LRP1B: variants seen among roughly 807,000 people sequenced by gnomAD.
LRP1B encodes the protein LDL receptor related protein 1B.
LRP1B carries 217 observed loss-of-function variants against 556.6 expected under a neutral mutation model. The observed-to-expected ratio is 0.39, with a 90% CI of 0.35 to 0.44. LRP1B has a LOEUF of 0.44. Among genes scored for constraint, LRP1B ranks in the 20% least tolerant of loss-of-function variants. The pLI is 1.00. For missense variants in LRP1B, 5,053 were observed against 5,620.8 expected, an observed-to-expected ratio of 0.90 and a Z score of 3.23; for synonymous variants, 2,047 against 1,865.8, an observed-to-expected ratio of 1.10 and a Z score of -2.50.
intron 1 of LRP1B, among the ~76,000 whole-genome samples, chr2:141,982,951 G>A (rs894328183): frequency 6.6e-6 from 1 of 152,144 alleles, no homozygotes; most frequent in African/African-American, 2.4e-5. Context: ...TGTTCAGAGA[G>A]CTGATGTTAT....
intron 66 of LRP1B, among the ~76,000 whole-genome samples, chr2:140,438,120 G>A (rs149511862): frequency 9.3e-4 from 142 of 152,160 alleles, no homozygotes; most frequent in Middle Eastern, 6.8e-3. Context: ...GGGTTTAACC[G>A]ACCCTCCAGC....
chr2:140,826,355 A>G (rs540557540), intron 31 of LRP1B, among the ~76,000 whole-genome samples: 18 of 152,234 alleles, frequency 1.2e-4, no homozygotes, highest in African/African-American at 4.3e-4. Flanking sequence ...GTTTCATCCC[A>G]CATCCCAAAA....
intron 3 of LRP1B, among the ~76,000 whole-genome samples, chr2:141,271,346 A>C (rs1023410672): frequency 2.6e-5 from 4 of 151,656 alleles, no homozygotes; most frequent in Non-Finnish European, 4.4e-5. Flanking sequence ...TAAAAAAAAA[A>C]CACAAAAACT....
intron 2 of LRP1B, among the ~76,000 whole-genome samples, chr2:141,596,357 CT>C (rs1428616284): frequency 6.6e-6 from 1 of 151,948 alleles, no homozygotes; most frequent in Non-Finnish European, 1.5e-5. Context: ...TGGGAAAATA[CT>C]GCTTTTTCTA....
At chr2:141,200,284 A>G (rs1208218655) in intron 6 of LRP1B, among the ~76,000 whole-genome samples, 1 of 152,192 alleles carries the variant, frequency 6.6e-6, no homozygotes, top group Non-Finnish European at 1.5e-5. Context: ...TATCCTTTGC[A>G]GTAACATGAA....
chr2:140,789,866 G>A (rs1430100698), intron 32 of LRP1B, among the ~76,000 whole-genome samples: 4 of 151,560 alleles, frequency 2.6e-5, no homozygotes, highest in Middle Eastern at 3.2e-3. Flanking sequence ...TCCTGACCTC[G>A]CGATCCGCCC....
chr2:140,390,686 A>G (rs972920697), intron 66 of LRP1B, among the ~76,000 whole-genome samples: 1 of 152,048 alleles, frequency 6.6e-6, no homozygotes, highest in East Asian at 1.9e-4. Context: ...TCACATACAT[A>G]TCTTAGAAAG....
At chr2:140,972,904 T>C (rs1323558277) in intron 18 of LRP1B, among the ~76,000 whole-genome samples, 1 of 149,014 alleles carries the variant, frequency 6.7e-6, no homozygotes, top group Non-Finnish European at 1.5e-5. Context: ...AATAAAAATA[T>C]AGTATGCAAG....
At chr2:140,957,313 C>A (rs1347421378) in intron 18 of LRP1B, among the ~76,000 whole-genome samples, 2 of 151,180 alleles carry the variant, frequency 1.3e-5, no homozygotes, top group African/African-American at 4.9e-5. Flanking sequence ...CATGACGGCC[C>A]GGAAGTGAGG....
At chr2:141,379,056 A>G (rs1422007611) in intron 3 of LRP1B, among the ~76,000 whole-genome samples, 1 of 152,180 alleles carries the variant, frequency 6.6e-6, no homozygotes, top group Admixed American at 6.5e-5. Context: ...GATCCATCCA[A>G]CCTACATTAT....
intron 2 of LRP1B, among the ~76,000 whole-genome samples, chr2:141,704,573 G>C (rs938757346): frequency 6.6e-6 from 1 of 151,808 alleles, no homozygotes; most frequent in Admixed American, 6.6e-5. Flanking sequence ...GCAGCCCCAC[G>C]TCTTCTTCCC....
chr2:140,631,188 A>T (rs1037170491), intron 41 of LRP1B, among the ~76,000 whole-genome samples: 1 of 152,196 alleles, frequency 6.6e-6, no homozygotes, highest in Admixed American at 6.5e-5. Flanking sequence ...AGGTTAACAT[A>T]AAACCACACA....
At chr2:141,267,010 G>A (rs1558970353) in intron 3 of LRP1B, among the ~76,000 whole-genome samples, 1 of 152,304 alleles carries the variant, frequency 6.6e-6, no homozygotes, top group East Asian at 1.9e-4. Flanking sequence ...TCTCTTTTCA[G>A]ACTAATTATA....
In LRP1B at chr2:140,840,893, C is replaced by CT. The variant is rs762222441; in HGVS notation, c.5114+24dup. On this transcript the variant is annotated intron_variant, in intron 30 of 90. Coordinates refer to ENST00000389484, the MANE Select transcript of LRP1B (RefSeq NM_018557.3). ...AAAAGTCTATGAAATTTTGGAAAAA[C>CT]TTTAAAAAAAAAATCATACTTTACC... 1.9e-3 allele frequency: 2,645 copies of CT among 1,405,668 alleles called. 11 individuals carry two copies. Among genetic ancestry groups the CT allele is most frequent in the South Asian group, 5.1e-3 (384 of 75,260 alleles). The allele number at this position is 1,405,668 out of a possible 1,614,324, so 87.1% of individuals were successfully genotyped here.
chr2:140,440,181 A>C (rs1419072444), intron 66 of LRP1B, among the ~76,000 whole-genome samples: 1 of 152,200 alleles, frequency 6.6e-6, no homozygotes. Flanking sequence ...GAACTCCAAG[A>C]GCATAAGAGA....
chr2:141,975,012 A>G (rs1196992836), intron 1 of LRP1B, among the ~76,000 whole-genome samples: 1 of 152,042 alleles, frequency 6.6e-6, no homozygotes, highest in African/African-American at 2.4e-5. Flanking sequence ...ATATTTCATC[A>G]TATCTCATTA....
chr2:142,038,666 G>A (rs1040587987), intron 1 of LRP1B, among the ~76,000 whole-genome samples: 22 of 151,446 alleles, frequency 1.5e-4, no homozygotes, highest in African/African-American at 3.9e-4. Context: ...TTTGGACAGC[G>A]TTTATTCCTC....
At chr2:140,567,027 C>A (rs537312842) in intron 43 of LRP1B, among the ~76,000 whole-genome samples, 2 of 152,060 alleles carry the variant, frequency 1.3e-5, no homozygotes, top group Non-Finnish European at 2.9e-5. Flanking sequence ...AACTAAGCAG[C>A]GGCACATCCC....
chr2:141,079,667 A>G (rs1452336418), intron 7 of LRP1B, among the ~76,000 whole-genome samples: 1 of 152,202 alleles, frequency 6.6e-6, no homozygotes, highest in East Asian at 1.9e-4. Context: ...TTCAGTTAGA[A>G]CTTACACTAG....
Sources: allele counts gnomAD v4.1 joint callset (sites outside exome capture counted in the v4.1 genomes callset), GRCh38; gene constraint gnomAD v4.1.1; transcripts MANE v1.5; gene names NCBI Gene and HGNC (gene_info 2026-07-23, HGNC 2026-07-21).